Variants in GLB1 observed in about 807,000 individuals in gnomAD.
GLB1 encodes the protein galactosidase beta 1.
Under a neutral mutation model 74.0 loss-of-function variants are expected in GLB1, and 56 were observed. The observed-to-expected ratio is 0.76, with a 90% confidence interval of 0.61 to 0.94. The LOEUF is 0.94. GLB1 is among the 40% of genes least tolerant of loss of function. The pLI, the probability that GLB1 is intolerant of heterozygous loss-of-function variation, is 0.00. For missense variants in GLB1, 787 were observed against 845.5 expected (o/e 0.93, Z 0.86); for synonymous variants, 323 against 323.6 (o/e 1.00, Z 0.02).
the GLB1 span, among the ~76,000 whole-genome samples, chr3:32,990,361 T>C: frequency 6.6e-6 from 1 of 152,216 alleles, no homozygotes; most frequent in Non-Finnish European, 1.5e-5. Flanking sequence ...ATCGCTGTCA[T>C]TGTCTACCCC....
At chr3:33,073,028 C>A (rs183224135) in intron 1 of GLB1, among the ~76,000 whole-genome samples, 2 of 152,066 alleles carry the variant, frequency 1.3e-5, no homozygotes, top group South Asian at 2.1e-4. Flanking sequence ...GGGAACATCA[C>A]ACACACACAC....
chr3:32,963,317 G>A, the GLB1 span, among the ~76,000 whole-genome samples: 1 of 152,090 alleles, frequency 6.6e-6, no homozygotes, highest in African/African-American at 2.4e-5. Flanking sequence ...TGTAAAAATT[G>A]GAAAAATAGA....
At chr3:33,003,290 C>A (rs1268229672) in intron 15 of GLB1, among the ~76,000 whole-genome samples, 1 of 152,194 alleles carries the variant, frequency 6.6e-6, no homozygotes, top group Non-Finnish European at 1.5e-5. Context: ...CATAGCTAGA[C>A]CTTTTTAATA....
At chr3:33,026,882 C>T (rs906808991) in intron 10 of GLB1, among the ~76,000 whole-genome samples, 1 of 152,228 alleles carries the variant, frequency 6.6e-6, no homozygotes, top group Non-Finnish European at 1.5e-5. Flanking sequence ...CTGAGCTGTT[C>T]TATCGCTCAA....
intron 10 of GLB1, among the ~76,000 whole-genome samples, chr3:33,042,369 C>CTTTTTT (rs1698538333): frequency 3.3e-5 from 2 of 60,198 alleles, no homozygotes; most frequent in Non-Finnish European, 8.6e-5. Context: ...CTCATCTCCT[C>CTTTTTT]CTTTTTTTTT....
Position 33,014,514 on chromosome 3 carries a change from A to T in GLB1, c.1480-204T>A, listed in dbSNP as rs28538948. ...CCTTGGGAAGAGATATATTCCCCAA[A>T]CTATAGCTTTCTCCTTTGCAGGTCA... On this transcript the variant is annotated intron_variant, in intron 14 of 15. Coordinates refer to ENST00000307363, the MANE Select transcript of GLB1 (RefSeq NM_000404.4). 2.8e-3 allele frequency among the ~76,000 whole-genome samples: 433 copies of T among 152,348 alleles called. 2 individuals are homozygous for T. The highest frequency in any genetic ancestry group is 1.0e-2 in the African/African-American group (414 of 41,586).
chr3:32,988,377 C>T, the GLB1 span, among the ~76,000 whole-genome samples: 7 of 152,094 alleles, frequency 4.6e-5, no homozygotes, highest in African/African-American at 1.7e-4. Context: ...AAGTGTCCTG[C>T]TCAGTGAGGA....
Position 33,072,666 on chromosome 3 carries a change from G to A in GLB1, c.123C>T (p.Phe41=), listed in dbSNP as rs1559411842. ...AGCGAAATGGCTGGCCATCCTTGAG[G>A]AAGGAGTCCCGGCTATAGTCAATTT... ...MFEIDYSRDS[F]LKDGQPFRYI... The change falls in exon 2 of 16, where the codon TTC becomes TTT. Residue 41 remains phenylalanine (F), a synonymous_variant. Coordinates refer to ENST00000307363, the MANE Select transcript of GLB1 (RefSeq NM_000404.4). The A allele has an allele frequency of 3.7e-6, 6 of 1,614,176 alleles. No homozygotes were observed. Among genetic ancestry groups the A allele is most frequent in the Non-Finnish European group, 5.1e-6 (6 of 1,180,036 alleles).
chr3:33,025,237 G>A (rs773405170), intron 10 of GLB1, among the ~76,000 whole-genome samples: 2 of 152,154 alleles, frequency 1.3e-5, no homozygotes, highest in African/African-American at 4.8e-5. Context: ...GAGCCAGCGC[G>A]CCTGGCCACA....
At chr3:32,977,883 A>G in the GLB1 span, among the ~76,000 whole-genome samples, 1 of 152,316 alleles carries the variant, frequency 6.6e-6, no homozygotes. Flanking sequence ...TTCTGCCCCG[A>G]AAGCCCACAG....
chr3:32,997,892 G>T (rs1696381619), intron 15 of GLB1, among the ~76,000 whole-genome samples: 1 of 152,228 alleles, frequency 6.6e-6, no homozygotes, highest in Non-Finnish European at 1.5e-5. Context: ...TGCATCCTGA[G>T]GTCAGACAGG....
intron 5 of GLB1, among the ~76,000 whole-genome samples, 183 bp from the exon 6 acceptor site, chr3:33,058,452 T>A (rs1481971415): frequency 6.6e-6 from 1 of 151,978 alleles, no homozygotes; most frequent in Non-Finnish European, 1.5e-5. Context: ...CAATTCACCA[T>A]AAAAGTTTAC....
the GLB1 span, among the ~76,000 whole-genome samples, chr3:32,972,276 T>A: frequency 1.4e-3 from 216 of 152,304 alleles, no homozygotes; most frequent in Middle Eastern, 3.4e-3. Flanking sequence ...ATGTTATATA[T>A]CAAAATAGGC....
chr3:33,022,054 A>C (rs1026130733), intron 11 of GLB1, among the ~76,000 whole-genome samples: 3 of 152,184 alleles, frequency 2.0e-5, no homozygotes, highest in Non-Finnish European at 4.4e-5. Flanking sequence ...TTCAACTAAG[A>C]TTAGACATGC....
chr3:33,071,273 G>C (rs1575474280), intron 2 of GLB1, among the ~76,000 whole-genome samples: 1 of 151,778 alleles, frequency 6.6e-6, no homozygotes, highest in Non-Finnish European at 1.5e-5. Context: ...TCTGCCAGTG[G>C]CCTTAGAACC....
chr3:33,053,392 CCA>C, intron 7 of GLB1, 97 bp downstream of exon 7: 1 of 1,567,588 alleles, frequency 6.4e-7, no homozygotes, highest in Non-Finnish European at 8.7e-7. Context: ...GCTGCTGACT[CCA>C]GAGCCAAAAA....
chr3:32,967,017 A>G, the GLB1 span, among the ~76,000 whole-genome samples: 1 of 152,170 alleles, frequency 6.6e-6, no homozygotes, highest in South Asian at 2.1e-4. Context: ...AGAATGAACT[A>G]ATACAATACT....
intron 5 of GLB1, among the ~76,000 whole-genome samples, chr3:33,061,936 T>C (rs6550203): frequency 0.97 from 148,090 of 152,278 alleles, 72,126 homozygotes; most frequent in East Asian, 1. Context: ...ACAGACCTGG[T>C]TTCCTGTATC....
At position 33,058,241 on chromosome 3, in the gene GLB1, G is replaced by A; in HGVS notation, c.581C>T (p.Ala194Val). The A allele has an allele frequency of 6.8e-6, 11 of 1,614,080 alleles. No individual in the cohort carries two copies. Among genetic ancestry groups the A allele is most frequent in the Non-Finnish European group, 8.5e-6 (10 of 1,180,014 alleles). The change falls in exon 6 of 16, where the codon GCC (alanine) becomes GTC (valine). Residue 194 changes from alanine to valine, a missense_variant. Ala to Val is a moderately conservative substitution (Grantham distance 64). Transcript: ENST00000307363. ...QVENEYGSYF[A>V]CDFDYLRFLQ... ...GAAGCGCAGGTAGTCAAAATCACAG[G>A]CAAAGTAGCTGCCATATTCATTTTC...
Sources: gnomAD v4.1 joint callset for allele counts (sites outside exome capture counted in the v4.1 genomes callset) on GRCh38, gnomAD v4.1.1 for gene constraint, MANE v1.5 for transcripts, NCBI Gene and HGNC (gene_info 2026-07-23, HGNC 2026-07-21) for gene names.